Variants in ATAD3A observed in about 807,000 individuals in gnomAD.
The protein encoded by ATAD3A is ATPase family AAA domain-containing protein 3A.
Under a neutral mutation model 73.8 loss-of-function variants are expected in ATAD3A, and 46 were observed. The observed-to-expected ratio is 0.62, with a 90% CI of 0.49 to 0.80. ATAD3A has a LOEUF of 0.80. Among genes scored for constraint, ATAD3A ranks in the 30% least tolerant of loss-of-function variants. The pLI is 0.00. For missense variants in ATAD3A, 705 were observed against 838.0 expected (o/e 0.84, Z 1.96); for synonymous variants, 319 against 350.0 (o/e 0.91, Z 0.99).
At chr1:1,524,917 ACTTTAG>A (rs1641747187) in intron 11 of ATAD3A, among the ~76,000 whole-genome samples, 1 of 151,770 alleles carries the variant, frequency 6.6e-6, no homozygotes, top group Non-Finnish European at 1.5e-5. Flanking sequence ...TTGACCTTTC[ACTTTAG>A]AAGACCTGTC....
chr1:1,521,388 G>T lies in ATAD3A; in HGVS notation c.750+771G>T, dbSNP rs2100660407. On this transcript the variant is annotated intron_variant, in intron 7 of 15. Transcript: ENST00000378756. ...CCTTCTTTATTCCTTATAAAACCCT[G>T]AGAGTTTGAAGTTCACAGATTCTTC... Among the ~76,000 whole-genome samples the T allele has an allele frequency of 3.4e-5, 5 of 147,690 alleles. 1 individual carries two copies. The East Asian group carries it at 8.1e-4, about 24-fold the overall frequency.
At chr1:1,530,656 C>T (rs1459599451) in intron 15 of ATAD3A, among the ~76,000 whole-genome samples, 10 of 122,794 alleles carry the variant, frequency 8.1e-5, no homozygotes, top group Admixed American at 1.6e-4. Flanking sequence ...GGTGAAACCC[C>T]GTCTCTACTA....
At chr1:1,519,701 C>G (rs1355181843) in intron 5 of ATAD3A, among the ~76,000 whole-genome samples, 65 of 140,782 alleles carry the variant, frequency 4.6e-4, no homozygotes, top group African/African-American at 1.6e-3. Context: ...TGGCACGTCA[C>G]GCGTGTCTGA....
rs769964131 is a variant in ATAD3A at position 1,522,937 on chromosome 1, C to T, written c.906+38C>T. ...GCCTGGCCCTCCCTGAGTGCAGTTC[C>T]TGGCTGAGTCCCTTCTGCCCCACGA... On this transcript the variant is annotated intron_variant, in intron 8 of 15. Coordinates refer to ENST00000378756, the MANE Select transcript of ATAD3A (RefSeq NM_001170535.3). 3.8e-6 allele frequency: 6 copies of T among 1,598,496 alleles called. No individual in the cohort carries two copies. The African/African-American group carries it at 4.1e-5, about 11-fold the overall frequency.
At chr1:1,522,723 A>G in intron 7 of ATAD3A, 21 bp from the exon 8 acceptor site, 2 of 1,611,354 alleles carry the variant, frequency 1.2e-6, no homozygotes, top group Non-Finnish European at 1.7e-6. Context: ...CCGGTGCGCC[A>G]GTGCGGTGTC....
chr1:1,526,381 G>A (rs1641843809), intron 12 of ATAD3A, 80 bp from the exon 13 acceptor site: 12 of 1,565,300 alleles, frequency 7.7e-6, no homozygotes, highest in Non-Finnish European at 1.0e-5. Context: ...CCTGCAGGAG[G>A]GAGGCCTGTG....
At chr1:1,517,166 G>T in intron 2 of ATAD3A, 145 bp from the exon 3 acceptor site, 1 of 1,549,194 alleles carries the variant, frequency 6.5e-7, no homozygotes, top group Non-Finnish European at 8.7e-7. Context: ...CCTGGGTGCA[G>T]ATGCGGCTGG....
Position 1,520,596 on chromosome 1 carries a change from C to G in ATAD3A, c.729C>G (p.Asp243Glu), listed in dbSNP as rs1425853437. Residue 243 changes from aspartate (D) to glutamate (E), a missense_variant, in exon 7 of 16, where the codon GAC (aspartate) becomes GAG (glutamate). Around this residue, in one of 5 missense-constraint regions of ATAD3A, gnomAD observed 315 missense variants for 334.1 expected, o/e 0.94. Coordinates refer to ENST00000378756, the MANE Select transcript of ATAD3A (RefSeq NM_001170535.3). The surrounding 1 kb of genome is among the most constrained non-coding windows in gnomAD (Gnocchi z 4.0). ...AAGGATTCCGTGCCTTTGTGACAGA[C>G]TGGGACAAAGTGACAGCCACGGTAA... ...FGEGFRAFVTDWDKVTATVAG... is the reference protein window; with the variant it reads ...FGEGFRAFVTEWDKVTATVAG... The G allele has an allele frequency of 1.9e-6, 3 of 1,613,700 alleles. No individual in the cohort carries two copies. Among genetic ancestry groups the G allele is most frequent in the East Asian group, 4.5e-5 (2 of 44,888 alleles).
At chr1:1,527,454 T>G (rs1641887727) in intron 13 of ATAD3A, among the ~76,000 whole-genome samples, 1 of 152,208 alleles carries the variant, frequency 6.6e-6, no homozygotes, top group Non-Finnish European at 1.5e-5. Flanking sequence ...TTCCCGGCAC[T>G]GCCTATCAGG....
Position 1,528,421 on chromosome 1 carries a change from G to C in ATAD3A, c.1505+559G>C, listed in dbSNP as rs560258526. ...TCTCCTCATGAGACCCCCGTGTCGG[G>C]ACTGGAGGGAGAGGCTCCTCATGGT... On this transcript the variant is annotated intron_variant, in intron 14 of 15. Coordinates refer to ENST00000378756, the MANE Select transcript of ATAD3A (RefSeq NM_001170535.3). Among the ~76,000 whole-genome samples the C allele has an allele frequency of 1.4e-4, 22 of 151,832 alleles. No individual in the cohort carries two copies. In the East Asian group the frequency reaches 4.0e-3, roughly 28 times the overall value.
At chr1:1,516,249 A>G (rs2478792) in intron 2 of ATAD3A, among the ~76,000 whole-genome samples, 161 bp downstream of exon 2, 16 of 145,710 alleles carry the variant, frequency 1.1e-4, no homozygotes, top group Non-Finnish European at 1.6e-4. Flanking sequence ...AAGGAAACAA[A>G]GGGAGGTGAG....
intron 11 of ATAD3A, 69 bp from the exon 12 acceptor site, chr1:1,525,171 C>G: frequency 6.2e-7 from 1 of 1,604,722 alleles, no homozygotes. Flanking sequence ...GCTCCTGCCG[C>G]GGCCGGACGC....
At chr1:1,531,330 A>G (rs1271142815) in intron 15 of ATAD3A, among the ~76,000 whole-genome samples, 1 of 152,130 alleles carries the variant, frequency 6.6e-6, no homozygotes, top group Non-Finnish European at 1.5e-5. Context: ...GCATGCCTGT[A>G]ATCCCAGCTA....
chr1:1,518,444 C>T (rs916400294), intron 4 of ATAD3A, among the ~76,000 whole-genome samples: 7 of 141,860 alleles, frequency 4.9e-5, no homozygotes, highest in Middle Eastern at 3.7e-3. Context: ...CACACATGGG[C>T]GCGCGTACAC....
rs1345908789 is a variant in ATAD3A at position 1,520,107 on chromosome 1, C to T, written c.515-34C>T. Reference sequence around the variant, plus strand: ...GGGTGGAGGTGGACGCGCTGCACTGCATGGTGCTGAGCTGCCCTGCCTCTC... The same window carrying T: ...GGGTGGAGGTGGACGCGCTGCACTGTATGGTGCTGAGCTGCCCTGCCTCTC... On this transcript the variant is annotated intron_variant, in intron 5 of 15. Coordinates refer to ENST00000378756, the MANE Select transcript of ATAD3A (RefSeq NM_001170535.3). This position sits in a 1 kb window ranked among gnomAD's most constrained non-coding sequence, Gnocchi z 4.0. The T allele has an allele frequency of 1.9e-6, 3 of 1,598,892 alleles. No homozygotes were observed. The South Asian group carries it at 3.4e-5, about 18-fold the overall frequency.
intron 15 of ATAD3A, 41 bp from the exon 16 acceptor site, chr1:1,533,885 T>C (rs1353253252): frequency 6.3e-7 from 1 of 1,598,812 alleles, no homozygotes; most frequent in Non-Finnish European, 8.5e-7. Flanking sequence ...GGGTGGGGGG[T>C]TCCCATGGCG....
At chr1:1,530,970 A>G (rs1642014770) in intron 15 of ATAD3A, among the ~76,000 whole-genome samples, 3 of 152,064 alleles carry the variant, frequency 2.0e-5, no homozygotes, top group Admixed American at 6.6e-5. Flanking sequence ...AGCCTGGCCA[A>G]CAAGGCCAAT....
intron 11 of ATAD3A, 150 bp from the exon 12 acceptor site, chr1:1,525,090 C>G (rs1027939482): frequency 9.1e-7 from 1 of 1,104,918 alleles, no homozygotes; most frequent in African/African-American, 1.5e-5. Context: ...TGATCGGCTT[C>G]TGTCGAGTCC....
Position 1,534,490 on chromosome 1 carries a change from G to T in ATAD3A, c.*418G>T. The T allele has an allele frequency of 1.1e-6, 1 of 922,394 alleles. No individual in the cohort carries two copies. The highest frequency in any genetic ancestry group is 1.4e-6 in the Non-Finnish European group (1 of 702,332). The allele number at this position is 922,394 out of a possible 1,614,324, so 57.1% of individuals were successfully genotyped here. On this transcript the variant is annotated 3_prime_UTR_variant, in exon 16 of 16. Coordinates refer to ENST00000378756, the MANE Select transcript of ATAD3A (RefSeq NM_001170535.3). Reference sequence around the variant, plus strand: ...GGTGAGGGGGCGCCTGCCAGGGCCAGACCCAGGTGGGGCAGCCTGAACCCT... The same window carrying T: ...GGTGAGGGGGCGCCTGCCAGGGCCATACCCAGGTGGGGCAGCCTGAACCCT...
Sources: allele counts gnomAD v4.1 joint callset (sites outside exome capture counted in the v4.1 genomes callset), GRCh38; gene constraint gnomAD v4.1.1; regional missense constraint gnomAD v4.1.1; non-coding constraint Gnocchi (gnomAD v3.1); transcripts MANE v1.5; gene names NCBI Gene and HGNC (gene_info 2026-07-23, HGNC 2026-07-21).